Variants in ZC3H13 observed in about 807,000 individuals in gnomAD.
ZC3H13 encodes zinc finger CCCH domain-containing protein 13.
ZC3H13 carries 64 observed loss-of-function variants against 204.1 expected under a neutral mutation model. The ratio of observed to expected loss-of-function variants is 0.31; its 90% CI spans 0.26 to 0.39. ZC3H13 has a LOEUF of 0.39. ZC3H13 is among the 10% of genes least tolerant of loss of function. The pLI is 1.00. For synonymous variants in ZC3H13, 667 were observed against 693.7 expected (o/e 0.96, Z 0.60); for missense variants, 1,833 against 2,082.7 (o/e 0.88, Z 2.33).
chr13:46,001,567 A>G (rs1312434780), intron 8 of ZC3H13: 1 of 152,270 alleles, frequency 6.6e-6, no homozygotes, highest in Admixed American at 6.5e-5. Context: ...GGGATAACCA[A>G]GGGAGAAAAA....
chr13:45,992,655 A>G (rs902227848), intron 8 of ZC3H13, among the ~76,000 whole-genome samples: 1 of 152,202 alleles, frequency 6.6e-6, no homozygotes, highest in Non-Finnish European at 1.5e-5. Flanking sequence ...AATGGCCCAG[A>G]TATCTGGCTA....
chr13:46,039,582 A>G (rs2043433626), intron 4 of ZC3H13, among the ~76,000 whole-genome samples: 1 of 152,220 alleles, frequency 6.6e-6, no homozygotes, highest in Non-Finnish European at 1.5e-5. Flanking sequence ...CCTTATACTA[A>G]TAACAATTCA....
chr13:46,051,006 G>C lies in ZC3H13; in HGVS notation c.-10+1398C>G, dbSNP rs1030891438. On this transcript the variant is annotated intron_variant, in intron 1 of 18. Transcript: ENST00000679008. ...TCCACCTCTATATGAGATGGAGTTG[G>C]GAGAGATGAGGAGGTGAGGAAGACT... is the stretch of plus-strand genomic sequence containing the variant. Among the ~76,000 whole-genome samples the C allele has an allele frequency of 1.2e-4, 19 of 152,128 alleles. No individual in the cohort carries two copies. In the East Asian group the frequency reaches 3.7e-3, roughly 29 times the overall value.
chr13:46,025,892 TAAA>T (rs56296632), intron 4 of ZC3H13, among the ~76,000 whole-genome samples: 1 of 147,310 alleles, frequency 6.8e-6, no homozygotes. Context: ...TGATTAAAGC[TAAA>T]AAAAAAAAAA....
intron 8 of ZC3H13, among the ~76,000 whole-genome samples, chr13:45,998,293 A>C (rs1199808976): frequency 6.6e-6 from 1 of 152,188 alleles, no homozygotes; most frequent in Non-Finnish European, 1.5e-5. Flanking sequence ...TTCCTAGTAC[A>C]CACACAAGTT....
intron 4 of ZC3H13, among the ~76,000 whole-genome samples, chr13:46,025,461 C>T (rs958028550): frequency 1.3e-5 from 2 of 152,036 alleles, no homozygotes; most frequent in South Asian, 2.1e-4. Flanking sequence ...CATACCACTA[C>T]GCCCAGCTAA....
intron 4 of ZC3H13, among the ~76,000 whole-genome samples, 178 bp downstream of exon 4, chr13:46,041,986 C>A (rs1353930289): frequency 1.3e-5 from 2 of 152,032 alleles, no homozygotes; most frequent in African/African-American, 4.8e-5. Flanking sequence ...CCATAAAGAA[C>A]TGAACCAATC....
chr13:46,025,443 T>G (rs1359679968), intron 4 of ZC3H13, among the ~76,000 whole-genome samples: 1 of 152,070 alleles, frequency 6.6e-6, no homozygotes, highest in Non-Finnish European at 1.5e-5. Context: ...CAGCTGGAAC[T>G]ACTGGTACAT....
chr13:45,984,127 A>C (rs1222280029), intron 10 of ZC3H13, among the ~76,000 whole-genome samples: 3 of 152,218 alleles, frequency 2.0e-5, no homozygotes, highest in Non-Finnish European at 4.4e-5. Context: ...ACCACAAAGA[A>C]AGACATGAAA....
intron 4 of ZC3H13, among the ~76,000 whole-genome samples, chr13:46,024,651 G>A (rs1387381984): frequency 6.6e-6 from 1 of 150,640 alleles, no homozygotes. Flanking sequence ...TGCACATCTC[G>A]TATCTGTAGA....
chr13:45,969,478 GGCT>G lies in ZC3H13; in HGVS notation c.3063_3065del (p.Ala1022del). On this transcript the variant is annotated inframe_deletion, in exon 14 of 19. Transcript: ENST00000679008. The stretch of plus-strand genomic sequence containing the variant: ...GGCCTCTTTTCTTCTTACTTTGCTG[GGCT>G]GCTTCTTCATCAGAAATATCAGAAT... The G allele has an allele frequency of 1.2e-6, 2 of 1,610,224 alleles. No individual in the cohort carries two copies. The highest frequency in any genetic ancestry group is 1.7e-6 in the Non-Finnish European group (2 of 1,179,086).
intron 11 of ZC3H13, among the ~76,000 whole-genome samples, chr13:45,976,454 G>A (rs1953055768): frequency 6.6e-6 from 1 of 152,152 alleles, no homozygotes; most frequent in Non-Finnish European, 1.5e-5. Context: ...TGAAATAAAT[G>A]TAAAAAGTGT....
chr13:46,023,371 C>T (rs2042338953), intron 4 of ZC3H13, among the ~76,000 whole-genome samples: 1 of 152,158 alleles, frequency 6.6e-6, no homozygotes, highest in Non-Finnish European at 1.5e-5. Flanking sequence ...GGTTCTACCT[C>T]CCTACAATTT....
At chr13:46,006,631 T>A (rs2041169210) in intron 7 of ZC3H13, among the ~76,000 whole-genome samples, 1 of 144,428 alleles carries the variant, frequency 6.9e-6, no homozygotes, top group Non-Finnish European at 1.5e-5. Context: ...TATTTATAAA[T>A]GAAGACCTAA....
intron 4 of ZC3H13, among the ~76,000 whole-genome samples, chr13:46,024,820 T>C (rs1180414809): frequency 1.3e-5 from 2 of 152,160 alleles, no homozygotes; most frequent in Non-Finnish European, 2.9e-5. Flanking sequence ...ATACTTTCCA[T>C]AACTTCTCTT....
Position 45,956,886 on chromosome 13 carries a change from A to G in ZC3H13, c.*241T>C. The G allele has an allele frequency of 3.4e-6, 1 of 292,716 alleles. No homozygotes were observed. The highest frequency in any genetic ancestry group is 6.2e-6 in the Non-Finnish European group (1 of 161,702). The allele number at this position is 292,716 out of a possible 1,614,324, so 18.1% of individuals were successfully genotyped here. ...TTTAACAAAAGGCGCAGAATAAACT[A>G]CTAAATCTAGATGTTTTCACATTAT... On this transcript the variant is annotated 3_prime_UTR_variant, in exon 19 of 19. Transcript: ENST00000679008.
chr13:46,042,058 C>A lies in ZC3H13; in HGVS notation c.339+106G>T, dbSNP rs1209002436. 7.3e-6 allele frequency: 6 copies of A among 823,002 alleles called. 1 individual carries two copies. Among genetic ancestry groups the A allele is most frequent in the Non-Finnish European group, 1.2e-5 (6 of 505,278 alleles). The allele number at this position is 823,002 out of a possible 1,614,324, so 51.0% of individuals were successfully genotyped here. A position where few individuals can be genotyped will look rare whatever the true frequency, so the allele number is the denominator to read the frequency against. On this transcript the variant is annotated intron_variant, in intron 4 of 18. Transcript: ENST00000679008. ...ATTATCCATATAGAACATTATAATG[C>A]CGTATTACACATTTACCATATATTT...
chr13:45,995,981 A>G (rs2040306364), intron 8 of ZC3H13, among the ~76,000 whole-genome samples: 1 of 152,222 alleles, frequency 6.6e-6, no homozygotes, highest in South Asian at 2.1e-4. Flanking sequence ...ACAAAGTCCT[A>G]CAACCTAGCA....
chr13:46,042,147 G>A lies in ZC3H13; in HGVS notation c.339+17C>T. The A allele has an allele frequency of 1.9e-6, 3 of 1,596,206 alleles. No individual in the cohort carries two copies. The highest frequency in any genetic ancestry group is 2.6e-6 in the Non-Finnish European group (3 of 1,165,996). ...CACTACTGAAGTTGAACTTTGTTTT[G>A]GGAAATTCAATCCTACCCTAACAGG... is the stretch of plus-strand genomic sequence containing the variant. On this transcript the variant is annotated intron_variant, in intron 4 of 18. Coordinates refer to ENST00000679008, the MANE Select transcript of ZC3H13 (RefSeq NM_001330564.2).
Sources: allele counts gnomAD v4.1 joint callset (sites outside exome capture counted in the v4.1 genomes callset), GRCh38; gene constraint gnomAD v4.1.1; transcripts MANE v1.5; gene names NCBI Gene and HGNC (gene_info 2026-07-23, HGNC 2026-07-21).